FAM163A: variants seen among roughly 807,000 people sequenced by gnomAD.
FAM163A encodes the protein protein FAM163A.
In FAM163A, 7 loss-of-function variants were observed where a neutral mutation model predicts 12.0. The ratio of observed to expected loss-of-function variants is 0.58; its 90% CI spans 0.33 to 1.10. The LOEUF is 1.10. Ranked by LOEUF, FAM163A falls within the 50% of genes least tolerant of loss-of-function variation. The probability of loss-of-function intolerance (pLI) is 0.03; values close to 1 mark genes in which losing one functional copy is unlikely to be tolerated. For synonymous variants in FAM163A, 101 were observed against 91.0 expected (o/e 1.11, Z -0.62); for missense variants, 202 against 218.6 (o/e 0.92, Z 0.48).
chr1:179,729,746 G>A, the FAM163A span, among the ~76,000 whole-genome samples: 2 of 152,216 alleles, frequency 1.3e-5, no homozygotes, highest in Non-Finnish European at 2.9e-5. Context: ...CTGGCCCCTA[G>A]AAATACCACA....
chr1:179,775,422 T>G (rs1227381100), intron 1 of FAM163A, among the ~76,000 whole-genome samples: 1 of 152,116 alleles, frequency 6.6e-6, no homozygotes, highest in Non-Finnish European at 1.5e-5. Flanking sequence ...GCAAAGGGAG[T>G]AGCCTCTGGT....
In FAM163A at chr1:179,765,373, G is replaced by A. The variant is rs555299180; in HGVS notation, c.-136+21950G>A. Among the ~76,000 whole-genome samples, 7 of 152,380 alleles carry A rather than the reference G, an allele frequency of 4.6e-5. No individual in the cohort carries two copies. The South Asian group carries it at 1.4e-3, about 32-fold the overall frequency. On this transcript the variant is annotated intron_variant, in intron 1 of 4. Coordinates refer to ENST00000341785, the MANE Select transcript of FAM163A (RefSeq NM_173509.3). ...TTTGCATTTCTAATAAGCTCCCAAA[G>A]ATACTGCCGGTTTGGGACCACTCCA...
At chr1:179,807,575 A>AG (rs1433288790) in intron 1 of FAM163A, among the ~76,000 whole-genome samples, 6 of 152,214 alleles carry the variant, frequency 3.9e-5, no homozygotes, top group African/African-American at 1.4e-4. Context: ...CACAGAGGGA[A>AG]GGAGACAAAG....
chr1:179,785,417 C>T (rs1046164015), intron 1 of FAM163A, among the ~76,000 whole-genome samples: 3 of 152,154 alleles, frequency 2.0e-5, no homozygotes, highest in East Asian at 1.9e-4. Flanking sequence ...AACATGAAGA[C>T]GGAGATCAAA....
At chr1:179,757,790 C>T (rs59425058) in intron 1 of FAM163A, among the ~76,000 whole-genome samples, 2,736 of 151,668 alleles carry the variant, frequency 0.018, 78 homozygotes, top group African/African-American at 0.06. Flanking sequence ...CCAGCCTGAG[C>T]GACAAAGCGA....
At chr1:179,780,265 G>A (rs971201326) in intron 1 of FAM163A, among the ~76,000 whole-genome samples, 2 of 152,190 alleles carry the variant, frequency 1.3e-5, no homozygotes, top group African/African-American at 2.4e-5. Context: ...TCTTCAGAAA[G>A]GAAATTATTT....
intron 1 of FAM163A, among the ~76,000 whole-genome samples, chr1:179,790,218 CTTTTTTTTTTTTTTT>C (rs1168192716): frequency 2.2e-5 from 2 of 91,670 alleles, no homozygotes; most frequent in Non-Finnish European, 4.1e-5. Context: ...AGCTGACTTC[CTTTTTTTTTTTTTTT>C]TTTTTTTTTT....
chr1:179,792,060 G>C (rs917960181), intron 1 of FAM163A, among the ~76,000 whole-genome samples: 1 of 152,180 alleles, frequency 6.6e-6, no homozygotes, highest in African/African-American at 2.4e-5. Flanking sequence ...AATCCTGACT[G>C]CCACTTACTA....
rs116518275 is a variant in FAM163A, at chr1:179,809,024, T to C, written c.-45+1136T>C. On this transcript the variant is annotated intron_variant, in intron 2 of 4. Coordinates refer to ENST00000341785, the MANE Select transcript of FAM163A (RefSeq NM_173509.3). ...TGGGAGGCTGAGGTGGGAGGATCGC[T>C]TGGGCCCTGGAAGTTGAGGCTGCAG... Among the ~76,000 whole-genome samples, 1,342 of 152,230 alleles carry C rather than the reference T, an allele frequency of 8.8e-3. 23 individuals carry two copies. The highest frequency in any genetic ancestry group is 0.031 in the African/African-American group (1,279 of 41,542).
At chr1:179,800,941 G>A (rs564591461) in intron 1 of FAM163A, among the ~76,000 whole-genome samples, 8 of 152,214 alleles carry the variant, frequency 5.3e-5, no homozygotes, top group Admixed American at 2.0e-4. Flanking sequence ...GGGGTCACAC[G>A]TTCTGCAGGA....
chr1:179,755,302 G>T (rs1685864426), intron 1 of FAM163A, among the ~76,000 whole-genome samples: 1 of 152,178 alleles, frequency 6.6e-6, no homozygotes, highest in Admixed American at 6.5e-5. Flanking sequence ...GACTGTGAGG[G>T]TGGTCCAGGT....
At chr1:179,767,425 T>C (rs545233675) in intron 1 of FAM163A, among the ~76,000 whole-genome samples, 1 of 152,218 alleles carries the variant, frequency 6.6e-6, no homozygotes, top group East Asian at 1.9e-4. Context: ...CTCTCAGCAT[T>C]GTGCACTTTT....
At position 179,813,072 on chromosome 1, in the gene FAM163A, G is replaced by T; in HGVS notation, c.-22-4G>T. 1.3e-6 allele frequency: 2 copies of T among 1,551,390 alleles called. No individual in the cohort carries two copies. Among genetic ancestry groups the T allele is most frequent in the Middle Eastern group, 1.7e-4 (1 of 5,962 alleles). On this transcript the variant is annotated splice_region_variant and splice_polypyrimidine_tract_variant and intron_variant, in intron 3 of 4. Coordinates refer to ENST00000341785, the MANE Select transcript of FAM163A (RefSeq NM_173509.3). The stretch of plus-strand genomic sequence containing the variant: ...GGTCCTCAGCCCTCCGCACATCTTT[G>T]CAGAGTTTGATGGGGCGCCGGGCGG...
intron 1 of FAM163A, among the ~76,000 whole-genome samples, chr1:179,781,811 G>A (rs1041840555): frequency 2.0e-5 from 3 of 151,928 alleles, no homozygotes; most frequent in African/African-American, 7.3e-5. Flanking sequence ...GCGGGTGACT[G>A]TAATCCCAGC....
In FAM163A at chr1:179,814,472, C is replaced by A. The variant is rs1177288560; in HGVS notation, c.*283C>A. 4.5e-6 allele frequency: 2 copies of A among 443,042 alleles called. No homozygotes were observed. The highest frequency in any genetic ancestry group is 4.1e-5 in the African/African-American group (2 of 49,350). The allele number at this position is 443,042 out of a possible 1,614,324, so 27.4% of individuals were successfully genotyped here. On this transcript the variant is annotated 3_prime_UTR_variant, in exon 5 of 5. Transcript: ENST00000341785. Reference sequence around the variant, plus strand: ...CACTCCTCTGGCAGCCCCAGCACCACCACAACCCCTTGCAGTGTGCCCCAG... The same window carrying A: ...CACTCCTCTGGCAGCCCCAGCACCAACACAACCCCTTGCAGTGTGCCCCAG...
chr1:179,750,016 C>T (rs1685047726), intron 1 of FAM163A, among the ~76,000 whole-genome samples: 1 of 152,182 alleles, frequency 6.6e-6, no homozygotes, highest in Non-Finnish European at 1.5e-5. Context: ...TACCAGGATT[C>T]TGTTTTAATG....
chr1:179,748,499 T>C (rs1244997465), intron 1 of FAM163A, among the ~76,000 whole-genome samples: 2 of 152,186 alleles, frequency 1.3e-5, no homozygotes, highest in African/African-American at 4.8e-5. Context: ...AAAATGTCTG[T>C]TGTCAAAGCC....
At chr1:179,775,019 G>A (rs1054182586) in intron 1 of FAM163A, among the ~76,000 whole-genome samples, 2 of 152,222 alleles carry the variant, frequency 1.3e-5, no homozygotes, top group Admixed American at 6.5e-5. Context: ...AAGAACGAAA[G>A]CAACGATTTA....
chr1:179,772,924 A>G (rs2148125453), intron 1 of FAM163A, among the ~76,000 whole-genome samples: 1 of 151,362 alleles, frequency 6.6e-6, no homozygotes, highest in South Asian at 2.1e-4. Context: ...AGCCAAAAGG[A>G]GGACTCTTCC....
Sources: allele counts gnomAD v4.1 joint callset (sites outside exome capture counted in the v4.1 genomes callset), GRCh38; gene constraint gnomAD v4.1.1; transcripts MANE v1.5; gene names NCBI Gene and HGNC (gene_info 2026-07-23, HGNC 2026-07-21).